The following SOX6 variants were observed in gnomAD, a reference collection of about 807,000 sequenced individuals.
SOX6 encodes SRY-box transcription factor 6, also known as transcription factor SOX-6.
A neutral mutation model predicts 97.8 loss-of-function variants in SOX6; 11 were observed. The observed-to-expected ratio is 0.11, with a 90% CI of 0.07 to 0.19. SOX6 has a LOEUF of 0.19. SOX6 is among the 10% of genes least tolerant of loss of function. The pLI, the probability that SOX6 is intolerant of heterozygous loss-of-function variation, is 1.00. For missense variants in SOX6, 810 were observed against 1,039.5 expected (o/e 0.78, Z 3.04); for synonymous variants, 360 against 371.4 (o/e 0.97, Z 0.35).
intron 4 of SOX6, among the ~76,000 whole-genome samples, chr11:16,553,989 T>C (rs1191345497): frequency 1.3e-5 from 2 of 152,106 alleles, no homozygotes; most frequent in African/African-American, 4.8e-5. Context: ...CGCGGCAGTT[T>C]AGAAAGTGGT....
At chr11:16,050,454 AG>A (rs1847658887) in intron 10 of SOX6, among the ~76,000 whole-genome samples, 3 of 152,222 alleles carry the variant, frequency 2.0e-5, no homozygotes, top group Non-Finnish European at 4.4e-5. Context: ...CACATGCCAC[AG>A]CATGGCTTCT....
chr11:16,427,731 G>A (rs929225674), intron 1 of SOX6, among the ~76,000 whole-genome samples: 2 of 152,128 alleles, frequency 1.3e-5, no homozygotes, highest in African/African-American at 2.4e-5. Flanking sequence ...TTCTATCATT[G>A]TTGGACATTT....
At chr11:16,570,185 T>G (rs1021043054) in intron 4 of SOX6, among the ~76,000 whole-genome samples, 1 of 152,158 alleles carries the variant, frequency 6.6e-6, no homozygotes, top group South Asian at 2.1e-4. Flanking sequence ...TACCACATAT[T>G]CTAGCAATTG....
At chr11:16,233,150 G>C (rs1852910242) in intron 4 of SOX6, among the ~76,000 whole-genome samples, 1 of 152,030 alleles carries the variant, frequency 6.6e-6, no homozygotes, top group East Asian at 1.9e-4. Flanking sequence ...TCTTAACTCA[G>C]ATATTATCCA....
At chr11:16,065,912 T>G (rs867572716) in intron 9 of SOX6, among the ~76,000 whole-genome samples, 7 of 151,894 alleles carry the variant, frequency 4.6e-5, no homozygotes, top group South Asian at 2.1e-4. Flanking sequence ...AATGGACAAA[T>G]AGAATCAAAC....
At chr11:16,586,889 C>T (rs1848100694) in intron 4 of SOX6, among the ~76,000 whole-genome samples, 1 of 152,268 alleles carries the variant, frequency 6.6e-6, no homozygotes, top group South Asian at 2.1e-4. Flanking sequence ...GTGCATAGTG[C>T]AGCCATGTCC....
At chr11:16,668,824 A>AG (rs1409276928) in intron 3 of SOX6, among the ~76,000 whole-genome samples, 1 of 152,248 alleles carries the variant, frequency 6.6e-6, no homozygotes, top group Admixed American at 6.5e-5. Flanking sequence ...TATATGATAA[A>AG]GGGGTCAACG....
At position 16,701,842 on chromosome 11, in the gene SOX6, C is replaced by G. The variant is rs553653384; in HGVS notation, n.429+12988G>C. 2.2e-3 allele frequency among the ~76,000 whole-genome samples: 338 copies of G among 150,942 alleles called. 2 individuals are homozygous for G. Among genetic ancestry groups the G allele is most frequent in the African/African-American group, 8.1e-3 (333 of 41,008 alleles). ...CCAGGAGGCGGAGCTTGCAGTGAGC[C>G]GAAATTGCGCCACTGCACTCCAGCC... On this transcript the variant is annotated intron_variant and non_coding_transcript_variant, in intron 3 of 5. Transcript: ENST00000524520.
At chr11:16,713,057 G>C (rs985457874) in intron 3 of SOX6, among the ~76,000 whole-genome samples, 4 of 152,070 alleles carry the variant, frequency 2.6e-5, no homozygotes, top group Non-Finnish European at 5.9e-5. Context: ...CAAGTGATTT[G>C]CCCAAGGTGA....
At chr11:16,124,704 G>A (rs1590211362) in intron 6 of SOX6, among the ~76,000 whole-genome samples, 2 of 152,112 alleles carry the variant, frequency 1.3e-5, no homozygotes, top group East Asian at 3.9e-4. Context: ...GCCTTGTAGA[G>A]CACAGTAAGA....
chr11:16,368,322 A>C (rs1857410124), intron 1 of SOX6, among the ~76,000 whole-genome samples: 1 of 152,116 alleles, frequency 6.6e-6, no homozygotes, highest in South Asian at 2.1e-4. Flanking sequence ...TCTCTACAAA[A>C]AATTCAAATG....
intron 12 of SOX6, among the ~76,000 whole-genome samples, chr11:16,018,389 G>T (rs1241353799): frequency 6.6e-6 from 1 of 152,022 alleles, no homozygotes; most frequent in Non-Finnish European, 1.5e-5. Context: ...TTTTGTCTTT[G>T]CATGGGTGGA....
At chr11:16,455,773 A>G (rs560631546) in intron 1 of SOX6, among the ~76,000 whole-genome samples, 1 of 152,124 alleles carries the variant, frequency 6.6e-6, no homozygotes, top group African/African-American at 2.4e-5. Flanking sequence ...CATGAAAGTA[A>G]TTTTTATAAA....
intron 1 of SOX6, among the ~76,000 whole-genome samples, chr11:16,443,053 C>T (rs538839450): frequency 6.6e-6 from 1 of 152,120 alleles, no homozygotes; most frequent in East Asian, 1.9e-4. Flanking sequence ...TATACTAGTC[C>T]CTTTTAATGT....
intron 3 of SOX6, among the ~76,000 whole-genome samples, chr11:16,630,284 T>C (rs1293229946): frequency 1.3e-5 from 2 of 152,200 alleles, no homozygotes; most frequent in Non-Finnish European, 2.9e-5. Flanking sequence ...TTTGGTATGT[T>C]ATGTGTCTGT....
At chr11:16,302,179 C>T (rs1252029282) in intron 3 of SOX6, among the ~76,000 whole-genome samples, 1 of 152,180 alleles carries the variant, frequency 6.6e-6, no homozygotes, top group Non-Finnish European at 1.5e-5. Flanking sequence ...CTCTTTCCAA[C>T]TGATAGTCAA....
intron 12 of SOX6, among the ~76,000 whole-genome samples, chr11:16,032,179 T>C (rs1855395765): frequency 6.6e-6 from 1 of 152,140 alleles, no homozygotes; most frequent in Non-Finnish European, 1.5e-5. Context: ...GAGTAAGACA[T>C]GGGCTCTTCC....
chr11:16,452,599 G>A (rs1189597750), intron 1 of SOX6, among the ~76,000 whole-genome samples: 1 of 152,144 alleles, frequency 6.6e-6, no homozygotes, highest in Non-Finnish European at 1.5e-5. Context: ...AATCTGTAGT[G>A]CTTTAAGTGA....
At chr11:16,568,815 C>G (rs144142272) in intron 4 of SOX6, among the ~76,000 whole-genome samples, 1 of 152,076 alleles carries the variant, frequency 6.6e-6, no homozygotes, top group Non-Finnish European at 1.5e-5. Context: ...CATTTTGATG[C>G]CTTTTACACT....
Sources: allele counts gnomAD v4.1 joint callset (sites outside exome capture counted in the v4.1 genomes callset), GRCh38; gene constraint gnomAD v4.1.1; transcripts MANE v1.5; gene names NCBI Gene and HGNC (gene_info 2026-07-23, HGNC 2026-07-21).